The following ZEB1 variants were observed in gnomAD, a reference collection of about 807,000 sequenced individuals.
ZEB1 encodes zinc finger E-box-binding homeobox 1.
In ZEB1, 21 loss-of-function variants were observed where a neutral mutation model predicts 84.9. The ratio of observed to expected loss-of-function variants is 0.25; its 90% CI spans 0.18 to 0.36. ZEB1 has a LOEUF of 0.36. Among genes scored for constraint, ZEB1 ranks in the 10% least tolerant of loss-of-function variants. The pLI is 1.00. For synonymous variants in ZEB1, 420 were observed against 471.1 expected (o/e 0.89, Z 1.41); for missense variants, 1,104 against 1,330.2 (o/e 0.83, Z 2.65).
chr10:31,334,835 AG>A (rs1252528236), intron 1 of ZEB1, among the ~76,000 whole-genome samples: 1 of 152,136 alleles, frequency 6.6e-6, no homozygotes, highest in African/African-American at 2.4e-5. Context: ...TGCTGGCCCA[AG>A]AAGTAATAGA....
chr10:31,375,794 A>C lies in ZEB1; in HGVS notation c.58+56502A>C, dbSNP rs143181994. Among the ~76,000 whole-genome samples the C allele has an allele frequency of 1.1e-4, 16 of 151,900 alleles. No individual in the cohort carries two copies. In the East Asian group the frequency reaches 2.9e-3, roughly 27 times the overall value. On this transcript the variant is annotated intron_variant, in intron 1 of 8. Transcript: ENST00000424869. ...TTTAAATAAAAGTTATTGTTTATAG[A>C]TATGGAAAGGAAAATAATGTTTTTA...
chr10:31,450,873 C>CGTGTGTGT (rs137905132), intron 1 of ZEB1, among the ~76,000 whole-genome samples: 3,117 of 149,532 alleles, frequency 0.021, 96 homozygotes, highest in African/African-American at 0.071. Flanking sequence ...TAGGACTGAG[C>CGTGTGTGT]GTGTGTGTGT....
rs1440423772 is a variant in ZEB1, at chr10:31,527,399, A to T, written c.*135A>T. The T allele has an allele frequency of 1.9e-5, 19 of 983,568 alleles. No homozygotes were observed. Among genetic ancestry groups the T allele is most frequent in the Non-Finnish European group, 2.5e-5 (17 of 675,602 alleles). The allele number at this position is 983,568 out of a possible 1,614,324, so 60.9% of individuals were successfully genotyped here. A position where few individuals can be genotyped will look rare whatever the true frequency, so the allele number is the denominator to read the frequency against. On this transcript the variant is annotated 3_prime_UTR_variant, in exon 9 of 9. Transcript: ENST00000424869. ...ACTGTGTAAAGTAAAAACTAAAAAA[A>T]TACAAAATACAAAACACACACACAC...
intron 4 of ZEB1, among the ~76,000 whole-genome samples, chr10:31,505,148 A>T (rs2068761513): frequency 6.6e-6 from 1 of 152,052 alleles, no homozygotes; most frequent in African/African-American, 2.4e-5. Context: ...ACTTGATCAT[A>T]TTGCATTATC....
intron 3 of ZEB1, among the ~76,000 whole-genome samples, 165 bp downstream of exon 3, chr10:31,496,003 G>A (rs1039960242): frequency 2.0e-5 from 3 of 152,012 alleles, no homozygotes; most frequent in Non-Finnish European, 4.4e-5. Flanking sequence ...ATAAAAAGAA[G>A]TAAATATTCC....
intron 1 of ZEB1, among the ~76,000 whole-genome samples, chr10:31,450,346 T>C (rs1254939475): frequency 6.6e-6 from 1 of 152,156 alleles, no homozygotes; most frequent in Admixed American, 6.5e-5. Context: ...TTTTCCTCTT[T>C]CGTGTTTTTA....
intron 1 of ZEB1, among the ~76,000 whole-genome samples, chr10:31,339,601 C>G (rs1590087152): frequency 6.6e-6 from 1 of 151,916 alleles, no homozygotes; most frequent in East Asian, 1.9e-4. Flanking sequence ...AACCCCTTCT[C>G]TACTAAAAAT....
At chr10:31,411,392 G>A (rs1486686962) in intron 1 of ZEB1, among the ~76,000 whole-genome samples, 1 of 152,166 alleles carries the variant, frequency 6.6e-6, no homozygotes. Flanking sequence ...AGCACTTTGG[G>A]AGGCCGAGGC....
At chr10:31,356,412 G>A (rs1037044768) in intron 1 of ZEB1, among the ~76,000 whole-genome samples, 9 of 151,920 alleles carry the variant, frequency 5.9e-5, no homozygotes, top group Admixed American at 5.2e-4. Context: ...ATGAATATCA[G>A]ATTTGGAAGG....
At chr10:31,396,089 G>A (rs1342812775) in intron 1 of ZEB1, among the ~76,000 whole-genome samples, 1 of 152,082 alleles carries the variant, frequency 6.6e-6, no homozygotes, top group East Asian at 1.9e-4. Context: ...TTTTGTTGTT[G>A]CACAACATTG....
intron 1 of ZEB1, among the ~76,000 whole-genome samples, chr10:31,437,167 T>C (rs1409378955): frequency 5.3e-5 from 8 of 152,196 alleles, no homozygotes; most frequent in Admixed American, 5.2e-4. Context: ...ATTAATATAA[T>C]TAGGTAAGGA....
chr10:31,519,706 T>A (rs2071893265), intron 6 of ZEB1, among the ~76,000 whole-genome samples: 1 of 152,236 alleles, frequency 6.6e-6, no homozygotes, highest in African/African-American at 2.4e-5. Context: ...TGGGACATTT[T>A]ACTTATTTTT....
chr10:31,416,225 T>C (rs1005020267), intron 1 of ZEB1, among the ~76,000 whole-genome samples: 1 of 152,114 alleles, frequency 6.6e-6, no homozygotes, highest in Admixed American at 6.6e-5. Context: ...TACTTCATAC[T>C]TTAGGAAAGA....
At chr10:31,434,772 C>T (rs1284175123) in intron 1 of ZEB1, among the ~76,000 whole-genome samples, 1 of 152,008 alleles carries the variant, frequency 6.6e-6, no homozygotes, top group Non-Finnish European at 1.5e-5. Flanking sequence ...AATACAAAAG[C>T]GCAAAGAACA....
chr10:31,462,833 A>G (rs1576051), intron 2 of ZEB1, among the ~76,000 whole-genome samples: 37,724 of 151,820 alleles, frequency 0.25, 10,382 homozygotes, highest in African/African-American at 0.69. Context: ...CTTCAACGAG[A>G]CGGCTGTAAT....
rs2139245876 is a variant in ZEB1, at chr10:31,502,372, A to G, written c.347A>G (p.Asp116Gly). ...GTAAAAGATGATGAATGCGAGTCAG[A>G]TGCAGAAAATGAGCAAAACCATGAT... ...CTVKDDECESDAENEQNHDPN... is the reference protein window; with the variant it reads ...CTVKDDECESGAENEQNHDPN... Residue 116 changes from aspartate (D) to glycine (G), a missense_variant, in exon 4 of 9, where the codon GAT (aspartate) becomes GGT (glycine). Physicochemically the swap from Asp to Gly is moderately conservative, Grantham distance 94. This residue lies in a region of ZEB1 where 162 missense variants were observed against 184.5 expected (regional missense o/e 0.88). Coordinates refer to ENST00000424869, the MANE Select transcript of ZEB1 (RefSeq NM_001174096.2). The G allele has an allele frequency of 6.2e-7, 1 of 1,613,882 alleles. No individual in the cohort carries two copies. The highest frequency in any genetic ancestry group is 1.1e-5 in the South Asian group (1 of 91,072).
At chr10:31,319,976 G>T (rs1226060656) in intron 1 of ZEB1, 3 of 150,102 alleles carry the variant, frequency 2.0e-5, no homozygotes, top group Non-Finnish European at 3.0e-5. Flanking sequence ...TGTGCGCGCC[G>T]CGGGCGGACA....
chr10:31,404,243 CTG>C (rs2052569670), intron 1 of ZEB1, among the ~76,000 whole-genome samples: 1 of 149,712 alleles, frequency 6.7e-6, no homozygotes, highest in African/African-American at 2.5e-5. Context: ...CTCTTAAAGT[CTG>C]TGCTCTATTA....
At chr10:31,456,251 C>G (rs1393884221) in intron 1 of ZEB1, among the ~76,000 whole-genome samples, 4 of 152,086 alleles carry the variant, frequency 2.6e-5, no homozygotes, top group African/African-American at 9.7e-5. Flanking sequence ...ACACCAGGGC[C>G]TGTTGGCGGG....
Sources: allele counts gnomAD v4.1 joint callset (sites outside exome capture counted in the v4.1 genomes callset), GRCh38; gene constraint gnomAD v4.1.1; regional missense constraint gnomAD v4.1.1; transcripts MANE v1.5; gene names NCBI Gene and HGNC (gene_info 2026-07-23, HGNC 2026-07-21).